Variants in TBC1D2B observed in about 807,000 individuals in gnomAD.
TBC1D2B encodes TBC1 domain family member 2B, also known as TBC1 domain family, member 2B.
A neutral mutation model predicts 100.8 loss-of-function variants in TBC1D2B; 64 were observed. That is an observed-to-expected ratio of 0.64 (90% CI 0.52 to 0.78). TBC1D2B has a LOEUF of 0.78. Ranked by LOEUF, TBC1D2B falls within the 30% of genes least tolerant of loss-of-function variation. The pLI is 0.00. For missense variants in TBC1D2B, 1,052 were observed against 1,218.4 expected (o/e 0.86, Z 2.03); for synonymous variants, 480 against 479.7 (o/e 1.00, Z -0.01).
chr15:78,049,868 G>A (rs1398469820), intron 2 of TBC1D2B, among the ~76,000 whole-genome samples: 1 of 152,014 alleles, frequency 6.6e-6, no homozygotes, highest in Non-Finnish European at 1.5e-5. Context: ...AGAGCATCTT[G>A]CTTTACAGAT....
At chr15:78,039,782 ACACG>A (rs1243501180) in intron 3 of TBC1D2B, among the ~76,000 whole-genome samples, 4 of 148,276 alleles carry the variant, frequency 2.7e-5, no homozygotes, top group Non-Finnish European at 4.5e-5. Flanking sequence ...ACACACACAC[ACACG>A]CAATTTACTG....
At position 78,017,765 on chromosome 15, in the gene TBC1D2B, C is replaced by T. The variant is rs1052751512; in HGVS notation, c.1581+82G>A. The T allele has an allele frequency of 5.1e-5, 44 of 862,542 alleles. No homozygotes were observed. In the African/African-American group the frequency reaches 7.1e-4, roughly 14 times the overall value. The allele number at this position is 862,542 out of a possible 1,614,324, so 53.4% of individuals were successfully genotyped here. ...ATCTCTCCAAGCCTGGGAGTTGAAC[C>T]GCTTTGTAAAGCATGCTTATTTTTA... is the stretch of plus-strand genomic sequence containing the variant. On this transcript the variant is annotated intron_variant, in intron 7 of 12. Transcript: ENST00000300584.
At position 78,003,406 on chromosome 15, in the gene TBC1D2B, T is replaced by C; in HGVS notation, c.2473A>G (p.Thr825Ala). The stretch of plus-strand genomic sequence containing the variant: ...AGAAACCAGTTGAAAGTGATGAGAG[T>C]GTAGTCGACTTTGTACTGTTCAAAG... ...GHFEQYKVDY[T>A]LITFNWFLVV... Residue 825 changes from threonine to alanine, a missense_variant, in exon 11 of 13, where the codon ACT becomes GCT. Around this residue, in one of 4 missense-constraint regions of TBC1D2B, gnomAD observed 373 missense variants for 464.9 expected, o/e 0.80. Coordinates refer to ENST00000300584, the MANE Select transcript of TBC1D2B (RefSeq NM_144572.2). The C allele has an allele frequency of 6.2e-7, 1 of 1,613,666 alleles. No individual in the cohort carries two copies. The highest frequency in any genetic ancestry group is 8.5e-7 in the Non-Finnish European group (1 of 1,179,804).
intron 3 of TBC1D2B, among the ~76,000 whole-genome samples, chr15:78,037,444 C>T (rs1205288687): frequency 6.6e-6 from 1 of 152,324 alleles, no homozygotes; most frequent in Non-Finnish European, 1.5e-5. Context: ...TCCTGGTGTG[C>T]CCAGGTAGGC....
Position 78,044,976 on chromosome 15 carries a change from C to T in TBC1D2B, c.607G>A (p.Ala203Thr). Residue 203 changes from alanine to threonine, a missense_variant, in exon 3 of 13, where the codon GCT becomes ACT. Coordinates refer to ENST00000300584, the MANE Select transcript of TBC1D2B (RefSeq NM_144572.2). ...TGCCCTGGGGCGGGCTGATTTGCAG[C>T]TTGTTCTCCCACCAGCTCTCCAGGC... is the stretch of plus-strand genomic sequence containing the variant. ...TVPGELVGEQAANQPAPGHPN... is the reference protein window; with the variant it reads ...TVPGELVGEQTANQPAPGHPN... The T allele has an allele frequency of 1.2e-6, 2 of 1,613,810 alleles. No homozygotes were observed. Among genetic ancestry groups the T allele is most frequent in the South Asian group, 1.1e-5 (1 of 91,062 alleles).
chr15:78,013,379 AACAGAAATAGAGAGTCT>A (rs2072286345), intron 8 of TBC1D2B, 62 bp from the exon 9 acceptor site: 6 of 1,446,914 alleles, frequency 4.1e-6, no homozygotes, highest in Non-Finnish European at 5.5e-6. Flanking sequence ...AGACCAATGC[AACAGAAATAGAGAGTCT>A]AGAAACCAAA....
chr15:78,025,387 G>A lies in TBC1D2B; in HGVS notation c.958C>T (p.Pro320Ser), dbSNP rs901809431. Residue 320 changes from proline to serine, a missense_variant, in exon 5 of 13, where the codon CCT becomes TCT. Physicochemically the swap from Pro to Ser is moderately conservative, Grantham distance 74 (BLOSUM62 -1). This residue lies in a region of TBC1D2B where 627 missense variants were observed against 646.1 expected (regional missense o/e 0.97). Transcript: ENST00000300584. ...CTGCCTGATGTGCCTTCACTTGAAG[G>A]GTCACCACTGCTGTGACGATTTTTG... ...SYKNRHSSGDPSSEGTSGSGS... is the reference protein window; with the variant it reads ...SYKNRHSSGDSSSEGTSGSGS... 6.2e-7 allele frequency: 1 copy of A among 1,613,834 alleles called. No homozygotes were observed. The highest frequency in any genetic ancestry group is 8.5e-7 in the Non-Finnish European group (1 of 1,179,850).
chr15:78,070,317 G>T (rs1056330668), intron 1 of TBC1D2B, among the ~76,000 whole-genome samples: 3 of 151,880 alleles, frequency 2.0e-5, no homozygotes, highest in Non-Finnish European at 4.4e-5. Context: ...GCTTCTTCAG[G>T]AAAGTCTTTC....
rs747267144 is a variant in TBC1D2B, at chr15:78,025,429, C to T, written c.916G>A (p.Asp306Asn). ...CGATTTTTGTACGACCCAATTATGT[C>T]TTTCAAAGGGCGCTTTCCTTTGTAG... ...NPYKGKRPLK[D>N]IIGSYKNRHS... Residue 306 changes from aspartate to asparagine, a missense_variant, in exon 5 of 13, where the codon GAC becomes AAC. Physicochemically the swap from Asp to Asn is conservative, Grantham distance 23. Around this residue, in one of 4 missense-constraint regions of TBC1D2B, gnomAD observed 627 missense variants for 646.1 expected, o/e 0.97. Coordinates refer to ENST00000300584, the MANE Select transcript of TBC1D2B (RefSeq NM_144572.2). 1.9e-6 allele frequency: 3 copies of T among 1,613,970 alleles called. No individual in the cohort carries two copies. Among genetic ancestry groups the T allele is most frequent in the Admixed American group, 3.3e-5 (2 of 60,010 alleles).
At chr15:78,024,626 C>G (rs878873092) in intron 5 of TBC1D2B, 87 bp from the exon 6 acceptor site, 2 of 1,248,498 alleles carry the variant, frequency 1.6e-6, no homozygotes, top group South Asian at 3.1e-5. Flanking sequence ...ATGGAGTAAT[C>G]GACAGAGTTT....
At chr15:78,021,321 A>G (rs955218842) in intron 6 of TBC1D2B, among the ~76,000 whole-genome samples, 7 of 151,832 alleles carry the variant, frequency 4.6e-5, no homozygotes, top group Non-Finnish European at 1.0e-4. Flanking sequence ...TTAAATAAAT[A>G]TATCTTAAAT....
At chr15:78,014,816 G>A (rs555149662) in intron 8 of TBC1D2B, among the ~76,000 whole-genome samples, 6 of 152,144 alleles carry the variant, frequency 3.9e-5, no homozygotes, top group Admixed American at 6.5e-5. Context: ...TATGTATCTG[G>A]GATTAGTATG....
chr15:77,996,720 A>T lies in TBC1D2B; in HGVS notation c.*1440T>A, dbSNP rs1227558558. 1 of 152,266 alleles carries T rather than the reference A, an allele frequency of 6.6e-6. No homozygotes were observed. The highest frequency in any genetic ancestry group is 2.4e-5 in the African/African-American group (1 of 41,464). 9.4% of individuals were successfully genotyped at this position (152,266 alleles called of 1,614,324 possible). ...AAAAGTTGACAGCAAAAAATAGGAA[A>T]AATACTTCTTAAAACTGCATTGCTT... is the stretch of plus-strand genomic sequence containing the variant. On this transcript the variant is annotated 3_prime_UTR_variant, in exon 13 of 13. Transcript: ENST00000300584.
chr15:78,057,403 A>T (rs2073447723), intron 1 of TBC1D2B, among the ~76,000 whole-genome samples: 3 of 152,066 alleles, frequency 2.0e-5, no homozygotes, highest in South Asian at 4.1e-4. Context: ...GCACTTTGGG[A>T]GGCCGAGGCA....
chr15:78,009,974 C>CAAA (rs59641885), intron 9 of TBC1D2B, among the ~76,000 whole-genome samples: 3 of 95,908 alleles, frequency 3.1e-5, no homozygotes, highest in Admixed American at 2.2e-4. Context: ...GACTCCGTCT[C>CAAA]AAAAAAAAAA....
intron 8 of TBC1D2B, among the ~76,000 whole-genome samples, chr15:78,016,026 C>T (rs1296843310): frequency 2.0e-5 from 3 of 152,164 alleles, no homozygotes; most frequent in Admixed American, 1.3e-4. Flanking sequence ...GGCTGAACTG[C>T]GTGAATCTGT....
At chr15:78,026,404 G>A (rs1183574572) in intron 4 of TBC1D2B, among the ~76,000 whole-genome samples, 1 of 152,060 alleles carries the variant, frequency 6.6e-6, no homozygotes, top group East Asian at 1.9e-4. Context: ...GCCCTCTCTT[G>A]CTCTCTTTCT....
At chr15:78,059,280 A>T (rs954772536) in intron 1 of TBC1D2B, among the ~76,000 whole-genome samples, 1 of 152,224 alleles carries the variant, frequency 6.6e-6, no homozygotes, top group Admixed American at 6.5e-5. Context: ...ATACGATCCA[A>T]GATGTCTTGC....
intron 1 of TBC1D2B, among the ~76,000 whole-genome samples, chr15:78,076,597 A>T (rs1419755303): frequency 7.0e-6 from 1 of 143,278 alleles, no homozygotes; most frequent in Non-Finnish European, 1.6e-5. Context: ...AAAAAAAAAA[A>T]TTTAATTAGC....
Sources: gnomAD v4.1 joint callset for allele counts (sites outside exome capture counted in the v4.1 genomes callset) on GRCh38, gnomAD v4.1.1 for gene constraint, gnomAD v4.1.1 regional missense constraint, MANE v1.5 for transcripts, NCBI Gene and HGNC (gene_info 2026-07-23, HGNC 2026-07-21) for gene names.